SNRPA: variants seen among roughly 807,000 people sequenced by gnomAD.
The protein encoded by SNRPA is U1 small nuclear ribonucleoprotein A.
Under a neutral mutation model 24.5 loss-of-function variants are expected in SNRPA, and 10 were observed. That is an observed-to-expected ratio of 0.41 (90% confidence interval 0.25 to 0.69). The LOEUF is 0.69. Among genes scored for constraint, SNRPA ranks in the 30% least tolerant of loss-of-function variants. The pLI is 0.33. For synonymous variants in SNRPA, 165 were observed against 148.4 expected, an observed-to-expected ratio of 1.11 and a Z score of -0.81; for missense variants, 283 against 394.7, an observed-to-expected ratio of 0.72 and a Z score of 2.40.
intron 3 of SNRPA, 74 bp downstream of exon 3, chr19:40,759,684 GGTGGGGAGAGTTCT>G: frequency 7.2e-7 from 1 of 1,380,914 alleles, no homozygotes; most frequent in South Asian, 1.4e-5. Context: ...TTTGGGACAG[GGTGGGGAGAGTTCT>G]CCCCTTGGGG....
intron 1 of SNRPA, among the ~76,000 whole-genome samples, chr19:40,751,767 A>T (rs2082867898): frequency 6.6e-6 from 1 of 152,128 alleles, no homozygotes; most frequent in South Asian, 2.1e-4. Flanking sequence ...GACTTGCCGT[A>T]CGCTGAGACC....
intron 3 of SNRPA, among the ~76,000 whole-genome samples, chr19:40,760,777 AAAAAT>A (rs1158900898): frequency 6.6e-6 from 1 of 152,134 alleles, no homozygotes; most frequent in Non-Finnish European, 1.5e-5. Context: ...CATCTCTACA[AAAAAT>A]AAAATAGAAA....
At chr19:40,753,956 C>T (rs1014145292) in intron 1 of SNRPA, among the ~76,000 whole-genome samples, 27 of 151,866 alleles carry the variant, frequency 1.8e-4, no homozygotes, top group Admixed American at 1.8e-3. Flanking sequence ...CGCCCACCAG[C>T]ACACCCGGCT....
chr19:40,753,616 C>G (rs925927085), intron 1 of SNRPA, among the ~76,000 whole-genome samples: 2 of 150,930 alleles, frequency 1.3e-5, no homozygotes, highest in Non-Finnish European at 3.0e-5. Context: ...AGGCTTTTCT[C>G]GAACTCCTGA....
At chr19:40,754,868 G>A (rs1425899352) in intron 1 of SNRPA, among the ~76,000 whole-genome samples, 1 of 152,086 alleles carries the variant, frequency 6.6e-6, no homozygotes, top group East Asian at 1.9e-4. Context: ...AGAGTAGAGA[G>A]AGGCCCAGAG....
At chr19:40,759,717 C>A in intron 3 of SNRPA, 107 bp downstream of exon 3, 1 of 967,656 alleles carries the variant, frequency 1.0e-6, no homozygotes, top group Non-Finnish European at 1.5e-6. Flanking sequence ...GGCTTCAGAC[C>A]CCTCCTTTCC....
intron 1 of SNRPA, among the ~76,000 whole-genome samples, chr19:40,755,084 CT>C (rs997492211): frequency 1.8e-3 from 265 of 146,920 alleles, no homozygotes; most frequent in South Asian, 4.1e-3. Context: ...TTCAGCTTAG[CT>C]TTTTTTTTTG....
rs572952915 is a variant in SNRPA at position 40,763,581 on chromosome 19, C to T, written c.601-6C>T. The T allele has an allele frequency of 1.9e-6, 3 of 1,613,926 alleles. No individual in the cohort carries two copies. Among genetic ancestry groups the T allele is most frequent in the Non-Finnish European group, 2.5e-6 (3 of 1,179,862 alleles). ...TGTGCTCACCGACTCCCCTATACCC[C>T]CGCAGCTTTCTGAGAATCCACCGAA... is the stretch of plus-strand genomic sequence containing the variant. On this transcript the variant is annotated splice_polypyrimidine_tract_variant and splice_region_variant and intron_variant, in intron 4 of 5. Coordinates refer to ENST00000243563, the MANE Select transcript of SNRPA (RefSeq NM_004596.5).
chr19:40,763,557 G>A, intron 4 of SNRPA, 30 bp from the exon 5 acceptor site: 2 of 1,586,506 alleles, frequency 1.3e-6, no homozygotes, highest in South Asian at 1.1e-5. Context: ...CAGGGCTCTT[G>A]TGCTCACCGA....
Position 40,765,235 on chromosome 19 carries a change from C to A in SNRPA, c.*68C>A. On this transcript the variant is annotated 3_prime_UTR_variant, in exon 6 of 6. Coordinates refer to ENST00000243563, the MANE Select transcript of SNRPA (RefSeq NM_004596.5). Reference sequence around the variant, plus strand: ...CACCCCTTTCCCCCTTGGCTCAGCCCCCTGAAGGTAAGTCCCCCCTTGGGG... The same window carrying A: ...CACCCCTTTCCCCCTTGGCTCAGCCACCTGAAGGTAAGTCCCCCCTTGGGG... 1 of 1,216,894 alleles carries A rather than the reference C, an allele frequency of 8.2e-7. No homozygotes were observed. The highest frequency in any genetic ancestry group is 1.1e-6 in the Non-Finnish European group (1 of 917,126). 75.4% of individuals were successfully genotyped at this position (1,216,894 alleles called of 1,614,324 possible).
In SNRPA at chr19:40,757,387, C is replaced by T. The variant is rs2082912924; in HGVS notation, c.129C>T (p.Ile43=). 6.2e-7 allele frequency: 1 copy of T among 1,613,996 alleles called. No individual in the cohort carries two copies. The highest frequency in any genetic ancestry group is 1.1e-5 in the South Asian group (1 of 91,086). The change falls in exon 2 of 6, where the codon ATC becomes ATT. Residue 43 remains isoleucine (I), a synonymous_variant. Transcript: ENST00000243563. ...IFSQFGQILD[I]LVSRSLKMRG... is the part of the protein sequence containing the mutation. Reference sequence around the variant, plus strand: ...CCCAGTTTGGCCAGATCCTGGATATCCTGGTATCACGGAGCCTGAAGATGA... The same window carrying T: ...CCCAGTTTGGCCAGATCCTGGATATTCTGGTATCACGGAGCCTGAAGATGA...
chr19:40,753,348 C>CAAA (rs531847938), intron 1 of SNRPA, among the ~76,000 whole-genome samples: 4 of 79,330 alleles, frequency 5.0e-5, no homozygotes, highest in African/African-American at 1.7e-4. Context: ...GAGACTGTCT[C>CAAA]AAAAAAAAAA....
intron 3 of SNRPA, among the ~76,000 whole-genome samples, chr19:40,761,587 C>A (rs932875917): frequency 6.6e-6 from 1 of 150,906 alleles, no homozygotes; most frequent in African/African-American, 2.4e-5. Context: ...CTGCCCCTGC[C>A]TCCCGAGGAT....
chr19:40,759,069 G>A (rs963531088), intron 2 of SNRPA, among the ~76,000 whole-genome samples: 12 of 151,738 alleles, frequency 7.9e-5, no homozygotes, highest in African/African-American at 2.2e-4. Flanking sequence ...TTAGCCAGGC[G>A]TGGTGGTGGG....
intron 5 of SNRPA, among the ~76,000 whole-genome samples, chr19:40,764,108 G>T (rs978661466): frequency 6.8e-6 from 1 of 148,038 alleles, no homozygotes; most frequent in African/African-American, 2.7e-5. Flanking sequence ...TGGCGTCAGG[G>T]TGGAGGCCGG....
rs575568222 is a variant in SNRPA at position 40,764,956 on chromosome 19, C to T, written c.690-52C>T. On this transcript the variant is annotated intron_variant, in intron 5 of 5. Coordinates refer to ENST00000243563, the MANE Select transcript of SNRPA (RefSeq NM_004596.5). ...TTTCTGGCCTCTGTCCACTTGATGCCGTTACGTTAGGGGGAAATGCTGAGT... is the reference window on the plus strand; with the variant it reads ...TTTCTGGCCTCTGTCCACTTGATGCTGTTACGTTAGGGGGAAATGCTGAGT... The T allele has an allele frequency of 6.8e-6, 10 of 1,470,474 alleles. No homozygotes were observed. The South Asian group carries it at 1.0e-4, about 15-fold the overall frequency. 91.1% of individuals were successfully genotyped at this position (1,470,474 alleles called of 1,614,324 possible).
At position 40,759,420 on chromosome 19, in the gene SNRPA, C is replaced by T. The variant is rs200297050; in HGVS notation, c.247-11C>T. 16 of 1,606,672 alleles carry T rather than the reference C, an allele frequency of 1.0e-5. No homozygotes were observed. The East Asian group carries it at 3.6e-4, about 36-fold the overall frequency. On this transcript the variant is annotated splice_polypyrimidine_tract_variant and intron_variant, in intron 2 of 5. Transcript: ENST00000243563. ...CCACGCTCTTAACCCGTTCTGCTCTCTGTTTGGTAGCGTATCCAGTATGCC... is the reference window on the plus strand; with the variant it reads ...CCACGCTCTTAACCCGTTCTGCTCTTTGTTTGGTAGCGTATCCAGTATGCC...
chr19:40,756,596 C>CA (rs916818115), intron 1 of SNRPA, among the ~76,000 whole-genome samples: 6,963 of 76,512 alleles, frequency 0.091, 295 homozygotes, highest in African/African-American at 0.17. Context: ...ACCTTGTCAC[C>CA]AAAAAAAAAA....
intron 1 of SNRPA, among the ~76,000 whole-genome samples, chr19:40,756,702 C>G (rs575323996): frequency 6.6e-6 from 1 of 151,642 alleles, no homozygotes; most frequent in Admixed American, 6.6e-5. Flanking sequence ...GACAAGTTAA[C>G]GTACCATGAC....
Sources: allele counts gnomAD v4.1 joint callset (sites outside exome capture counted in the v4.1 genomes callset), GRCh38; gene constraint gnomAD v4.1.1; transcripts MANE v1.5; gene names NCBI Gene and HGNC (gene_info 2026-07-23, HGNC 2026-07-21).